CD28: variants seen among roughly 807,000 people sequenced by gnomAD.
CD28 encodes the protein T-cell-specific surface glycoprotein CD28.
A neutral mutation model predicts 21.4 loss-of-function variants in CD28; 8 were observed. That is an observed-to-expected ratio of 0.37 (90% CI 0.22 to 0.68). The LOEUF (loss-of-function observed/expected upper bound fraction) is 0.68. CD28 is among the 30% of genes least tolerant of loss of function. The probability of loss-of-function intolerance (pLI) is 0.55; values close to 1 mark genes in which losing one functional copy is unlikely to be tolerated. For synonymous variants in CD28, 106 were observed against 104.0 expected (o/e 1.02, Z -0.12); for missense variants, 239 against 272.2 (o/e 0.88, Z 0.86).
intron 1 of CD28, among the ~76,000 whole-genome samples, chr2:203,707,900 C>G (rs1042796322): frequency 2.6e-5 from 4 of 152,124 alleles, no homozygotes; most frequent in African/African-American, 9.7e-5. Flanking sequence ...AAGCACAATT[C>G]CTAACAGAAA....
intron 3 of CD28, among the ~76,000 whole-genome samples, chr2:203,734,243 G>C (rs1169238616): frequency 6.6e-6 from 1 of 152,188 alleles, no homozygotes; most frequent in Non-Finnish European, 1.5e-5. Flanking sequence ...CTATGAAAGA[G>C]AGATGAGTGT....
chr2:203,710,593 A>G (rs1693286388), intron 1 of CD28, among the ~76,000 whole-genome samples: 1 of 152,172 alleles, frequency 6.6e-6, no homozygotes, highest in Non-Finnish European at 1.5e-5. Context: ...TATGATTACC[A>G]TTTGGCTTTT....
chr2:203,720,719 A>T (rs116211402), intron 1 of CD28, among the ~76,000 whole-genome samples: 2,463 of 152,324 alleles, frequency 0.016, 60 homozygotes, highest in African/African-American at 0.057. Flanking sequence ...TGATATTCTG[A>T]TTATCAGCTA....
chr2:203,707,498 C>T (rs566150193), intron 1 of CD28, among the ~76,000 whole-genome samples: 2 of 152,266 alleles, frequency 1.3e-5, no homozygotes, highest in African/African-American at 4.8e-5. Context: ...TCTGGAGTCA[C>T]CACAGAAGCT....
chr2:203,725,061 C>T (rs533089867), intron 1 of CD28, among the ~76,000 whole-genome samples: 21 of 152,020 alleles, frequency 1.4e-4, no homozygotes, highest in African/African-American at 3.9e-4. Context: ...GAGGCCGAGG[C>T]GGTGGATCAC....
chr2:203,732,502 G>T (rs770347672), intron 3 of CD28, among the ~76,000 whole-genome samples: 3 of 152,288 alleles, frequency 2.0e-5, no homozygotes, highest in South Asian at 2.1e-4. Context: ...GGTAGTGTCT[G>T]CTTTTTATAA....
chr2:203,724,703 A>T (rs1454474705), intron 1 of CD28, among the ~76,000 whole-genome samples: 3 of 152,200 alleles, frequency 2.0e-5, no homozygotes, highest in African/African-American at 7.2e-5. Flanking sequence ...TTGATTATAT[A>T]GGAGACAAAA....
At chr2:203,729,877 T>A in intron 3 of CD28, 105 bp downstream of exon 3, 3 of 1,174,208 alleles carry the variant, frequency 2.6e-6, no homozygotes, top group Non-Finnish European at 3.6e-6. Context: ...TAATATAGGA[T>A]GATGATTTTC....
chr2:203,732,244 A>G (rs1693913641), intron 3 of CD28, among the ~76,000 whole-genome samples: 2 of 152,026 alleles, frequency 1.3e-5, no homozygotes, highest in Admixed American at 6.6e-5. Flanking sequence ...GTGGGTTTCT[A>G]GGCTGAGCGG....
intron 1 of CD28, among the ~76,000 whole-genome samples, chr2:203,712,702 G>A (rs948973529): frequency 2.0e-5 from 3 of 152,190 alleles, no homozygotes; most frequent in East Asian, 1.9e-4. Flanking sequence ...AAATGAGGAA[G>A]CATAAAATAA....
rs770459409 is a variant in CD28 at position 203,734,776 on chromosome 2, T to C, written c.535-8T>C. ...GTCCCTCCATACTGACACTTCTCTTTCCTGCAGGTGAGGAGTAAGAGGAGC... is the reference window on the plus strand; with the variant it reads ...GTCCCTCCATACTGACACTTCTCTTCCCTGCAGGTGAGGAGTAAGAGGAGC... On this transcript the variant is annotated splice_region_variant and splice_polypyrimidine_tract_variant and intron_variant, in intron 3 of 3. Coordinates refer to ENST00000324106, the MANE Select transcript of CD28 (RefSeq NM_006139.4). 6.2e-7 allele frequency: 1 copy of C among 1,614,186 alleles called. No homozygotes were observed. The highest frequency in any genetic ancestry group is 8.5e-7 in the Non-Finnish European group (1 of 1,180,006).
intron 1 of CD28, among the ~76,000 whole-genome samples, chr2:203,710,531 C>A (rs1693284854): frequency 6.6e-6 from 1 of 152,290 alleles, no homozygotes; most frequent in South Asian, 2.1e-4. Flanking sequence ...AAGACATAGA[C>A]CCTCCTCCTT....
intron 1 of CD28, among the ~76,000 whole-genome samples, chr2:203,719,263 C>T (rs1693544964): frequency 6.6e-6 from 1 of 152,134 alleles, no homozygotes; most frequent in Non-Finnish European, 1.5e-5. Context: ...CCCCCAATAG[C>T]CTCTTCTTTA....
At chr2:203,722,641 C>T (rs919331310) in intron 1 of CD28, among the ~76,000 whole-genome samples, 7 of 152,126 alleles carry the variant, frequency 4.6e-5, no homozygotes, top group African/African-American at 1.7e-4. Flanking sequence ...AACCAGGGGC[C>T]TAAGGGAAAT....
chr2:203,734,993 A>C lies in CD28; in HGVS notation c.*81A>C. 1 of 1,531,980 alleles carries C rather than the reference A, an allele frequency of 6.5e-7. No individual in the cohort carries two copies. The highest frequency in any genetic ancestry group is 8.8e-7 in the Non-Finnish European group (1 of 1,135,578). The allele number at this position is 1,531,980 out of a possible 1,614,324, so 94.9% of individuals were successfully genotyped here. On this transcript the variant is annotated 3_prime_UTR_variant, in exon 4 of 4. Coordinates refer to ENST00000324106, the MANE Select transcript of CD28 (RefSeq NM_006139.4). The stretch of plus-strand genomic sequence containing the variant: ...CTGCTCTGGATAGGAAATGACCGCC[A>C]TCTCCAGCCGGCCACCTCAGGCCCC...
At position 203,726,816 on chromosome 2, in the gene CD28, A is replaced by G. The variant is rs775578949; in HGVS notation, c.236A>G (p.Tyr79Cys). 3.7e-6 allele frequency: 6 copies of G among 1,614,182 alleles called. No homozygotes were observed. The highest frequency in any genetic ancestry group is 3.4e-6 in the Non-Finnish European group (4 of 1,180,032). Residue 79 changes from tyrosine to cysteine, a missense_variant, in exon 2 of 4, where the codon TAC (tyrosine) becomes TGC (cysteine). By Grantham distance (194) the Tyr-to-Cys change is radical. Coordinates refer to ENST00000324106, the MANE Select transcript of CD28 (RefSeq NM_006139.4). ...AATTACTCCCAGCAGCTTCAGGTTTACTCAAAAACGGGGTTCAACTGTGAT... is the reference window on the plus strand; with the variant it reads ...AATTACTCCCAGCAGCTTCAGGTTTGCTCAAAAACGGGGTTCAACTGTGAT... The part of the protein sequence containing the change: ...YGNYSQQLQV[Y>C]SKTGFNCDGK...
At chr2:203,723,360 A>G (rs1207298572) in intron 1 of CD28, among the ~76,000 whole-genome samples, 7 of 151,672 alleles carry the variant, frequency 4.6e-5, no homozygotes, top group African/African-American at 1.7e-4. Context: ...GGTGGTGGTC[A>G]CCTCCAATTC....
Position 203,726,824 on chromosome 2 carries a change from AC to A in CD28, c.245del (p.Thr82ArgfsTer14). ...YSQQLQVYSK[T>X]GFNCDGKLGN... ...CCAGCAGCTTCAGGTTTACTCAAAA[AC>A]GGGGTTCAACTGTGATGGGAAATTG... On this transcript the variant is annotated frameshift_variant, in exon 2 of 4. Coordinates refer to ENST00000324106, the MANE Select transcript of CD28 (RefSeq NM_006139.4). LOFTEE classifies it high-confidence loss of function. The A allele has an allele frequency of 6.2e-7, 1 of 1,614,216 alleles. No homozygotes were observed. The highest frequency in any genetic ancestry group is 8.5e-7 in the Non-Finnish European group (1 of 1,180,036).
chr2:203,737,630 G>A lies in CD28; in HGVS notation c.*2718G>A, dbSNP rs182369143. 21 of 152,688 alleles carry A rather than the reference G, an allele frequency of 1.4e-4. No homozygotes were observed. Among genetic ancestry groups the A allele is most frequent in the African/African-American group, 5.1e-4 (21 of 41,560 alleles). 9.5% of individuals were successfully genotyped at this position (152,688 alleles called of 1,614,324 possible). ...AAATGGTTCAAAAACAGTGGTAGGA[G>A]CAATGCTTTCATAGTTTCAGATATG... On this transcript the variant is annotated 3_prime_UTR_variant, in exon 4 of 4. Coordinates refer to ENST00000324106, the MANE Select transcript of CD28 (RefSeq NM_006139.4).
Sources: allele counts gnomAD v4.1 joint callset (sites outside exome capture counted in the v4.1 genomes callset), GRCh38; gene constraint gnomAD v4.1.1; transcripts MANE v1.5; gene names NCBI Gene and HGNC (gene_info 2026-07-23, HGNC 2026-07-21).